CFAP299: variants seen among roughly 807,000 people sequenced by gnomAD.
CFAP299 encodes cilia and flagella associated protein 299.
A neutral mutation model predicts 27.0 loss-of-function variants in CFAP299; 21 were observed. The ratio of observed to expected loss-of-function variants is 0.78; its 90% CI spans 0.55 to 1.12. The LOEUF (loss-of-function observed/expected upper bound fraction) is 1.12. Ranked by LOEUF, CFAP299 falls within the 50% of genes most tolerant of loss-of-function variation. The pLI is 0.00. For missense variants in CFAP299, 310 were observed against 276.6 expected (o/e 1.12, Z -0.86); for synonymous variants, 104 against 98.1 (o/e 1.06, Z -0.36).
At chr4:80,538,878 C>T (rs1248791842) in intron 2 of CFAP299, among the ~76,000 whole-genome samples, 1 of 152,168 alleles carries the variant, frequency 6.6e-6, no homozygotes, top group African/African-American at 2.4e-5. Context: ...AATGCTACAT[C>T]TTCCCCAACT....
intron 3 of CFAP299, among the ~76,000 whole-genome samples, chr4:80,746,809 T>C (rs995867954): frequency 4.6e-5 from 7 of 152,052 alleles, no homozygotes; most frequent in African/African-American, 1.7e-4. Context: ...TTATTTATAA[T>C]GTGTTTTTCA....
At chr4:80,814,253 A>G (rs568187377) in intron 3 of CFAP299, among the ~76,000 whole-genome samples, 3 of 152,142 alleles carry the variant, frequency 2.0e-5, no homozygotes, top group Non-Finnish European at 4.4e-5. Context: ...TTCCTTCAAA[A>G]TGTTTATTGA....
intron 2 of CFAP299, among the ~76,000 whole-genome samples, chr4:80,462,777 G>A (rs1198573712): frequency 6.6e-6 from 1 of 152,010 alleles, no homozygotes; most frequent in Non-Finnish European, 1.5e-5. Flanking sequence ...ATGTCCCAAA[G>A]GGCCCTCATT....
At chr4:80,335,496 T>C (rs191050342), upstream of CFAP299, among the ~76,000 whole-genome samples, 3 of 152,324 alleles carry the variant, frequency 2.0e-5, no homozygotes, top group East Asian at 5.8e-4. Context: ...CTTTTTAACT[T>C]TGGATTGCAG....
At chr4:80,723,905 T>A (rs1722987900) in intron 3 of CFAP299, among the ~76,000 whole-genome samples, 1 of 151,854 alleles carries the variant, frequency 6.6e-6, no homozygotes, top group Admixed American at 6.6e-5. Context: ...TTATGAAAAA[T>A]TTAATCAAAT....
intron 2 of CFAP299, among the ~76,000 whole-genome samples, chr4:80,579,031 A>T (rs1736030013): frequency 6.6e-6 from 1 of 152,202 alleles, no homozygotes; most frequent in Non-Finnish European, 1.5e-5. Flanking sequence ...TGGGTAAAAA[A>T]GTAACAGAAA....
chr4:80,468,883 T>TA (rs1175610975), intron 2 of CFAP299, among the ~76,000 whole-genome samples: 1 of 151,526 alleles, frequency 6.6e-6, no homozygotes, highest in Admixed American at 6.6e-5. Flanking sequence ...GAGAATTAGT[T>TA]ATTAGTTTTA....
At chr4:80,555,313 A>T (rs183827910) in intron 2 of CFAP299, among the ~76,000 whole-genome samples, 5 of 152,262 alleles carry the variant, frequency 3.3e-5, no homozygotes, top group Non-Finnish European at 7.4e-5. Context: ...TGATTTGCTT[A>T]TGTTGAACCA....
chr4:80,398,458 A>G (rs1320698262), intron 2 of CFAP299, among the ~76,000 whole-genome samples: 2 of 152,218 alleles, frequency 1.3e-5, no homozygotes, highest in African/African-American at 4.8e-5. Flanking sequence ...CTATACAGTA[A>G]CCAAAACAGC....
At chr4:80,934,861 G>A (rs1051645067) in intron 4 of CFAP299, among the ~76,000 whole-genome samples, 3 of 151,804 alleles carry the variant, frequency 2.0e-5, no homozygotes, top group African/African-American at 7.2e-5. Context: ...CTTTTCTAAT[G>A]TTTGTCTATT....
chr4:80,744,445 A>G (rs1254613361), intron 3 of CFAP299, among the ~76,000 whole-genome samples: 3 of 152,128 alleles, frequency 2.0e-5, no homozygotes, highest in Admixed American at 6.6e-5. Flanking sequence ...AAATAAATGG[A>G]TAGACACTCA....
At chr4:80,426,324 T>C (rs1727527028) in intron 2 of CFAP299, among the ~76,000 whole-genome samples, 1 of 152,164 alleles carries the variant, frequency 6.6e-6, no homozygotes, top group Non-Finnish European at 1.5e-5. Context: ...GATCATTACA[T>C]TATGTTTTGC....
In CFAP299 at chr4:80,567,879, ATTATT is replaced by A. The variant is rs1354943526; in HGVS notation, c.243-15210_243-15206del. 3.3e-5 allele frequency among the ~76,000 whole-genome samples: 5 copies of A among 151,660 alleles called. No homozygotes were observed. The East Asian group carries it at 7.7e-4, about 23-fold the overall frequency. On this transcript the variant is annotated intron_variant, in intron 2 of 5. Coordinates refer to ENST00000358105, the MANE Select transcript of CFAP299 (RefSeq NM_152770.3). ...CAACTGTGAAATGTAAGCAAAATAT[ATTATT>A]TTAAAAGTTTATATTATATCCTAAT... is the stretch of plus-strand genomic sequence containing the variant.
In CFAP299 at chr4:80,437,433, G is replaced by A. The variant is rs140343453; in HGVS notation, c.242+74549G>A. On this transcript the variant is annotated intron_variant, in intron 2 of 5. Coordinates refer to ENST00000358105, the MANE Select transcript of CFAP299 (RefSeq NM_152770.3). ...TTTATTATTCACAGAAATAGCAGCA[G>A]CCAGAGTCTCAACAGCTTTTGCGCC... Among the ~76,000 whole-genome samples, 940 of 152,282 alleles carry A rather than the reference G, an allele frequency of 6.2e-3. 2 individuals carry two copies. The highest frequency in any genetic ancestry group is 0.024 in the Middle Eastern group (7 of 294).
chr4:80,895,814 C>T (rs1734584050), intron 4 of CFAP299, among the ~76,000 whole-genome samples: 1 of 151,780 alleles, frequency 6.6e-6, no homozygotes, highest in Non-Finnish European at 1.5e-5. Flanking sequence ...ATTAGGTAAA[C>T]AAAGCAACAG....
intron 4 of CFAP299, among the ~76,000 whole-genome samples, chr4:80,937,486 T>C: frequency 6.6e-6 from 1 of 151,624 alleles, no homozygotes; most frequent in Middle Eastern, 3.2e-3. Context: ...CTGGCTAATG[T>C]TTTTGTATTT....
chr4:80,701,270 T>C (rs1353397236), intron 3 of CFAP299, among the ~76,000 whole-genome samples: 1 of 152,014 alleles, frequency 6.6e-6, no homozygotes, highest in Non-Finnish European at 1.5e-5. Flanking sequence ...TAAGAGGATA[T>C]AGAAAACAGA....
intron 2 of CFAP299, among the ~76,000 whole-genome samples, chr4:80,523,834 A>G (rs544421584): frequency 1.3e-5 from 2 of 152,216 alleles, no homozygotes; most frequent in South Asian, 2.1e-4. Context: ...TTTTTTCTAT[A>G]TATTCTATGC....
At chr4:80,395,685 T>C (rs1327930426) in intron 2 of CFAP299, among the ~76,000 whole-genome samples, 1 of 152,138 alleles carries the variant, frequency 6.6e-6, no homozygotes, top group Non-Finnish European at 1.5e-5. Context: ...AAGATCTGAT[T>C]TAAAAATGGG....
Sources: allele counts gnomAD v4.1 joint callset (sites outside exome capture counted in the v4.1 genomes callset), GRCh38; gene constraint gnomAD v4.1.1; transcripts MANE v1.5; gene names NCBI Gene and HGNC (gene_info 2026-07-23, HGNC 2026-07-21).